LRRC4C: variants seen among roughly 807,000 people sequenced by gnomAD.
The protein encoded by LRRC4C is leucine-rich repeat-containing protein 4C.
Under a neutral mutation model 33.6 loss-of-function variants are expected in LRRC4C, and 5 were observed. The observed-to-expected ratio is 0.15, with a 90% CI of 0.08 to 0.31. The LOEUF (loss-of-function observed/expected upper bound fraction) is 0.31, where lower values mean the gene tolerates loss of function less well. Ranked by LOEUF, LRRC4C falls within the 10% of genes least tolerant of loss-of-function variation. The probability of loss-of-function intolerance (pLI) is 1.00; values close to 1 mark genes in which losing one functional copy is unlikely to be tolerated. For missense variants in LRRC4C, 560 were observed against 796.7 expected (o/e 0.70, Z 3.58); for synonymous variants, 329 against 302.0 (o/e 1.09, Z -0.93).
intron 1 of LRRC4C, among the ~76,000 whole-genome samples, chr11:41,387,365 T>C (rs1382825097): frequency 1.3e-5 from 2 of 151,702 alleles, no homozygotes; most frequent in African/African-American, 4.8e-5. Flanking sequence ...ACTGAATCAG[T>C]GTCAGTGCTA....
chr11:41,100,108 A>G (rs1941074742), intron 1 of LRRC4C, among the ~76,000 whole-genome samples: 1 of 152,098 alleles, frequency 6.6e-6, no homozygotes, highest in African/African-American at 2.4e-5. Context: ...GCTACAAAAA[A>G]CAAAACAAAA....
intron 1 of LRRC4C, among the ~76,000 whole-genome samples, chr11:40,940,790 T>A (rs1269148339): frequency 6.6e-6 from 1 of 152,070 alleles, no homozygotes. Context: ...TAGTCAAAAA[T>A]CAGGTAAATC....
chr11:40,200,784 A>AAGAAAG (rs1460992204), intron 5 of LRRC4C, among the ~76,000 whole-genome samples: 2 of 78,440 alleles, frequency 2.5e-5, no homozygotes, highest in African/African-American at 9.6e-5. Context: ...AAAAAAAAAA[A>AAGAAAG]AAAAGAAAAG....
chr11:40,648,387 A>T (rs896310748), intron 2 of LRRC4C, 109 bp from the exon 3 acceptor site: 3 of 152,204 alleles, frequency 2.0e-5, no homozygotes, highest in Non-Finnish European at 2.9e-5. Flanking sequence ...AAAAACACAC[A>T]CACACATTGA....
chr11:40,746,054 A>G (rs538565498), intron 2 of LRRC4C, among the ~76,000 whole-genome samples: 1 of 152,306 alleles, frequency 6.6e-6, no homozygotes, highest in African/African-American at 2.4e-5. Flanking sequence ...GATTGCAAAT[A>G]CTAAAGCAAT....
chr11:41,176,404 A>C (rs909153386), intron 1 of LRRC4C, among the ~76,000 whole-genome samples: 1 of 152,124 alleles, frequency 6.6e-6, no homozygotes, highest in African/African-American at 2.4e-5. Flanking sequence ...TTTCACAATA[A>C]TTCCCAGTCA....
chr11:41,410,954 C>T (rs12574832), intron 1 of LRRC4C, among the ~76,000 whole-genome samples: 1 of 151,622 alleles, frequency 6.6e-6, no homozygotes, highest in Non-Finnish European at 1.5e-5. Context: ...ATTGATAAAT[C>T]TTAGCATCAT....
intron 2 of LRRC4C, among the ~76,000 whole-genome samples, chr11:40,781,774 G>C (rs939775210): frequency 1.3e-5 from 2 of 152,128 alleles, no homozygotes; most frequent in Non-Finnish European, 2.9e-5. Flanking sequence ...TGAGAAATGG[G>C]TTCTCCCAAT....
intron 1 of LRRC4C, among the ~76,000 whole-genome samples, chr11:41,193,553 T>C (rs950492944): frequency 4.6e-5 from 7 of 152,158 alleles, no homozygotes; most frequent in African/African-American, 7.2e-5. Flanking sequence ...AGATGTTGTA[T>C]GACTTCACAG....
intron 2 of LRRC4C, among the ~76,000 whole-genome samples, chr11:40,879,483 C>T (rs1435995710): frequency 6.6e-6 from 1 of 152,076 alleles, no homozygotes; most frequent in East Asian, 1.9e-4. Context: ...GAATATGTAA[C>T]GAGTCCTGTG....
At chr11:40,495,577 A>C (rs1954389693) in intron 3 of LRRC4C, among the ~76,000 whole-genome samples, 1 of 152,106 alleles carries the variant, frequency 6.6e-6, no homozygotes, top group Non-Finnish European at 1.5e-5. Context: ...GAAGAAGATG[A>C]CCGTGAAAAT....
chr11:40,224,126 C>T (rs192611349), intron 5 of LRRC4C, among the ~76,000 whole-genome samples: 17 of 152,272 alleles, frequency 1.1e-4, no homozygotes, highest in Admixed American at 5.2e-4. Flanking sequence ...TTTTATTCCT[C>T]AAGTGATTGA....
intron 1 of LRRC4C, among the ~76,000 whole-genome samples, chr11:41,456,493 CT>C (rs1289895589): frequency 6.6e-6 from 1 of 152,064 alleles, no homozygotes; most frequent in Non-Finnish European, 1.5e-5. Flanking sequence ...CAGAAACACA[CT>C]GGAGAATGTT....
At chr11:40,121,583 G>A (rs1855830670) in intron 6 of LRRC4C, among the ~76,000 whole-genome samples, 1 of 152,168 alleles carries the variant, frequency 6.6e-6, no homozygotes, top group Non-Finnish European at 1.5e-5. Context: ...ATGCATTTGT[G>A]TGAGTTTTGA....
intron 2 of LRRC4C, among the ~76,000 whole-genome samples, chr11:40,920,331 C>A (rs1315773989): frequency 6.6e-6 from 1 of 152,122 alleles, no homozygotes; most frequent in Non-Finnish European, 1.5e-5. Context: ...ATCTGTGTGA[C>A]ACATTCAGCA....
chr11:41,254,485 A>G (rs796442280), intron 1 of LRRC4C, among the ~76,000 whole-genome samples: 102 of 152,220 alleles, frequency 6.7e-4, no homozygotes, highest in African/African-American at 2.2e-3. Context: ...CTAGTCATCT[A>G]AAGAGAAATA....
At chr11:40,557,904 T>C (rs546726877) in intron 3 of LRRC4C, among the ~76,000 whole-genome samples, 50 of 152,066 alleles carry the variant, frequency 3.3e-4, no homozygotes, top group Admixed American at 8.5e-4. Flanking sequence ...ATTGAGGAGA[T>C]TAATGAGCCG....
chr11:41,388,838 G>A (rs1028569686), intron 1 of LRRC4C, among the ~76,000 whole-genome samples: 3 of 151,742 alleles, frequency 2.0e-5, no homozygotes, highest in African/African-American at 7.3e-5. Context: ...ATACCAATAG[G>A]TATATCATAG....
chr11:40,987,840 A>G (rs1853185791), intron 1 of LRRC4C, among the ~76,000 whole-genome samples: 1 of 151,814 alleles, frequency 6.6e-6, no homozygotes, highest in Admixed American at 6.6e-5. Flanking sequence ...ACAAAGACAG[A>G]CTTGAAAAAT....
Sources: allele counts gnomAD v4.1 joint callset (sites outside exome capture counted in the v4.1 genomes callset), GRCh38; gene constraint gnomAD v4.1.1; transcripts MANE v1.5; gene names NCBI Gene and HGNC (gene_info 2026-07-23, HGNC 2026-07-21).